The following INO80 variants were observed in gnomAD, a reference collection of about 807,000 sequenced individuals.
The protein encoded by INO80 is INO80 complex ATPase subunit, also known as chromatin-remodeling ATPase INO80.
INO80 carries 20 observed loss-of-function variants against 203.4 expected under a neutral mutation model. That is an observed-to-expected ratio of 0.10 (90% confidence interval 0.07 to 0.14). The LOEUF (loss-of-function observed/expected upper bound fraction) is 0.14. INO80 is among the 10% of genes least tolerant of loss of function. The pLI, the probability that INO80 is intolerant of heterozygous loss-of-function variation, is 1.00. For synonymous variants in INO80, 726 were observed against 685.2 expected (o/e 1.06, Z -0.93); for missense variants, 1,419 against 1,914.4 (o/e 0.74, Z 4.83).
intron 28 of INO80, among the ~76,000 whole-genome samples, chr15:41,002,857 C>A (rs963427465): frequency 2.0e-5 from 3 of 152,206 alleles, no homozygotes; most frequent in East Asian, 1.9e-4. Context: ...GTAATCCCAG[C>A]ATTCTGGGAG....
At chr15:41,056,506 G>T (rs966421449) in intron 17 of INO80, 116 bp downstream of exon 17, 2 of 758,732 alleles carry the variant, frequency 2.6e-6, no homozygotes, top group African/African-American at 1.8e-5. Context: ...TTTATGTGGG[G>T]ACTATAATTT....
chr15:41,071,265 C>T (rs537427205), intron 12 of INO80, among the ~76,000 whole-genome samples: 52 of 152,168 alleles, frequency 3.4e-4, no homozygotes, highest in African/African-American at 1.3e-3. Context: ...TTTAATTATA[C>T]TTTAAGTTCT....
At chr15:41,072,084 A>AG in intron 11 of INO80, 26 bp from the exon 12 acceptor site, 1 of 1,367,966 alleles carries the variant, frequency 7.3e-7, no homozygotes, top group Non-Finnish European at 9.9e-7. Flanking sequence ...AAAAAAAATT[A>AG]GAAAAAAAAA....
Position 41,101,877 on chromosome 15 carries a change from C to T in INO80, c.-43-5524G>A, listed in dbSNP as rs550121540. Among the ~76,000 whole-genome samples the T allele has an allele frequency of 6.3e-4, 95 of 151,016 alleles. 1 individual carries two copies. The highest frequency in any genetic ancestry group is 8.9e-5 in the Non-Finnish European group (6 of 67,730). On this transcript the variant is annotated intron_variant, in intron 1 of 35. Coordinates refer to ENST00000648947, the MANE Select transcript of INO80 (RefSeq NM_017553.3). Reference sequence around the variant, plus strand: ...TTTGTAACTCTTAGTCAAGGTGATTCTCCATACTAGTACAAAAGATATGAC... The same window carrying T: ...TTTGTAACTCTTAGTCAAGGTGATTTTCCATACTAGTACAAAAGATATGAC...
intron 24 of INO80, among the ~76,000 whole-genome samples, chr15:41,028,651 G>A (rs2044412784): frequency 6.6e-6 from 1 of 151,846 alleles, no homozygotes; most frequent in Non-Finnish European, 1.5e-5. Context: ...GAGGTCAGGG[G>A]TTTGAGACTA....
chr15:41,061,652 AAATAAAAAT>A (rs2045111792), intron 14 of INO80, among the ~76,000 whole-genome samples: 1 of 151,892 alleles, frequency 6.6e-6, no homozygotes, highest in Non-Finnish European at 1.5e-5. Flanking sequence ...AAAAATTTAA[AAATAAAAAT>A]GAAAAATACT....
chr15:41,056,761 A>G (rs2044993217), intron 16 of INO80, 55 bp from the exon 17 acceptor site: 3 of 1,474,352 alleles, frequency 2.0e-6, no homozygotes, highest in Admixed American at 1.7e-5. Context: ...TTCTTTAATT[A>G]TCCTACTGAG....
chr15:40,996,680 G>C (rs185741848), intron 29 of INO80, among the ~76,000 whole-genome samples: 29 of 152,186 alleles, frequency 1.9e-4, no homozygotes, highest in East Asian at 7.7e-4. Flanking sequence ...AAGAAGACTG[G>C]GTAGGAAAGA....
In INO80 at chr15:41,021,074, C is replaced by CA; in HGVS notation, c.3099dup (p.Glu1034Ter). On this transcript the variant is annotated frameshift_variant, in exon 26 of 36. Coordinates refer to ENST00000648947, the MANE Select transcript of INO80 (RefSeq NM_017553.3). LOFTEE classifies it high-confidence loss of function. ...CCTCCTTCCTTCAGAACTCGCCTTT[C>CA]ATATTCTGCACTTCGGTCATTGCAG... 1 of 1,614,232 alleles carries CA rather than the reference C, an allele frequency of 6.2e-7. No individual in the cohort carries two copies. The highest frequency in any genetic ancestry group is 8.5e-7 in the Non-Finnish European group (1 of 1,180,034).
At chr15:40,984,742 G>C (rs1263222469) in intron 32 of INO80, among the ~76,000 whole-genome samples, 4 of 152,196 alleles carry the variant, frequency 2.6e-5, no homozygotes, top group Non-Finnish European at 5.9e-5. Flanking sequence ...GGGCCGAAGA[G>C]CCTCACCAGC....
chr15:41,044,927 G>C lies in INO80; in HGVS notation c.2884C>G (p.Leu962Val). ...ACCTTTAACAAAGGGCAGCTGCAAAGGTTTGGAAAGGAGAGTGGAAAATTA... is the reference window on the plus strand; with the variant it reads ...ACCTTTAACAAAGGGCAGCTGCAAACGTTTGGAAAGGAGAGTGGAAAATTA... Reference protein sequence around the residue: ...GVNFPLSFPNLCSCPLLKSLV... With the variant: ...GVNFPLSFPNVCSCPLLKSLV... The change falls in exon 24 of 36, where the codon CTT becomes GTT. Residue 962 changes from leucine to valine, a missense_variant. By Grantham distance (32) the Leu-to-Val change is conservative (BLOSUM62 1). This residue lies in a region of INO80 where 302 missense variants were observed against 345.4 expected (regional missense o/e 0.87). Transcript: ENST00000648947. 6.2e-7 allele frequency: 1 copy of C among 1,611,694 alleles called. No individual in the cohort carries two copies. Among genetic ancestry groups the C allele is most frequent in the Non-Finnish European group, 8.5e-7 (1 of 1,179,356 alleles).
chr15:41,073,663 A>G (rs1364723695), intron 10 of INO80, among the ~76,000 whole-genome samples, 168 bp from the exon 11 acceptor site: 8 of 152,168 alleles, frequency 5.3e-5, no homozygotes, highest in African/African-American at 1.9e-4. Context: ...GAAGCTGGAA[A>G]TGCAATGGAG....
Position 41,092,197 on chromosome 15 carries a change from A to T in INO80, c.382-15T>A, listed in dbSNP as rs1281825013. 6.4e-7 allele frequency: 1 copy of T among 1,567,132 alleles called. No homozygotes were observed. The highest frequency in any genetic ancestry group is 8.7e-7 in the Non-Finnish European group (1 of 1,144,942). On this transcript the variant is annotated splice_polypyrimidine_tract_variant and intron_variant, in intron 4 of 35. Transcript: ENST00000648947. ...AGCAGAATGCTCTGAAAAGGGTGAA[A>T]ATAGAAATGTATCTTTTGCTGTGAA...
At position 41,090,925 on chromosome 15, in the gene INO80, C is replaced by CTTT. The variant is rs60647460; in HGVS notation, c.537+1099_537+1101dup. ...TTGATTCCAGAGAATTTTAGAAATT[C>CTTT]TTTTTTTTTTTTTTTTTGAGATGAA... On this transcript the variant is annotated intron_variant, in intron 5 of 35. Coordinates refer to ENST00000648947, the MANE Select transcript of INO80 (RefSeq NM_017553.3). Among the ~76,000 whole-genome samples, 46 of 124,498 alleles carry CTTT rather than the reference C, an allele frequency of 3.7e-4. 2 individuals are homozygous for CTTT. Among genetic ancestry groups the CTTT allele is most frequent in the African/African-American group, 1.2e-3 (38 of 31,540 alleles). 81.7% of individuals were successfully genotyped at this position (124,498 alleles called of 152,430 possible). A position where few individuals can be genotyped will look rare whatever the true frequency, so the allele number is the denominator to read the frequency against.
chr15:41,049,501 G>A (rs983297752), intron 20 of INO80, 81 bp from the exon 21 acceptor site: 2 of 1,345,908 alleles, frequency 1.5e-6, no homozygotes, highest in Non-Finnish European at 2.1e-6. Context: ...AATCCCAAAT[G>A]TTTACCTTTG....
chr15:41,031,310 T>C (rs867286138), intron 24 of INO80, among the ~76,000 whole-genome samples: 1 of 151,604 alleles, frequency 6.6e-6, no homozygotes, highest in Middle Eastern at 3.4e-3. Context: ...CATGGAAGAA[T>C]ACAAAGAATA....
In INO80 at chr15:41,116,108, T is replaced by G; in HGVS notation, c.-179A>C. ...TGAGGCCGTGGGACGGTGACTGCGT[T>G]GGGCGTGGACGCTCCTAGCTCGCTC... On this transcript the variant is annotated 5_prime_UTR_variant, in exon 1 of 36. Transcript: ENST00000648947. 2.5e-6 allele frequency: 1 copy of G among 397,272 alleles called. No homozygotes were observed. The allele number at this position is 397,272 out of a possible 1,614,324, so 24.6% of individuals were successfully genotyped here.
intron 24 of INO80, among the ~76,000 whole-genome samples, chr15:41,035,860 G>A (rs12912131): frequency 0.99 from 139,216 of 140,592 alleles, 68,948 homozygotes; most frequent in Middle Eastern, 1. Context: ...CTGGCGCCTT[G>A]GCTTACACCT....
At chr15:41,078,152 C>T (rs2045433213) in intron 9 of INO80, among the ~76,000 whole-genome samples, 1 of 152,126 alleles carries the variant, frequency 6.6e-6, no homozygotes, top group Admixed American at 6.5e-5. Flanking sequence ...CCCACCTCGG[C>T]CTCCCAAAGT....
Sources: gnomAD v4.1 joint callset for allele counts (sites outside exome capture counted in the v4.1 genomes callset) on GRCh38, gnomAD v4.1.1 for gene constraint, gnomAD v4.1.1 regional missense constraint, MANE v1.5 for transcripts, NCBI Gene and HGNC (gene_info 2026-07-23, HGNC 2026-07-21) for gene names.